Variants in TRMT9B observed in about 807,000 individuals in gnomAD.
The protein encoded by TRMT9B is probable tRNA methyltransferase 9B.
TRMT9B carries 16 observed loss-of-function variants against 11.5 expected under a neutral mutation model. The observed-to-expected ratio is 1.39, with a 90% CI of 0.94 to 2.11. The LOEUF is 2.11. Ranked by LOEUF, TRMT9B falls within the 30% of genes most tolerant of loss-of-function variation. TRMT9B has a pLI of 0.00. For synonymous variants in TRMT9B, 274 were observed against 192.4 expected, an observed-to-expected ratio of 1.42 and a Z score of -3.51; for missense variants, 941 against 553.8, an observed-to-expected ratio of 1.70 and a Z score of -7.02.
chr8:12,973,201 G>A (rs1370558815), intron 1 of TRMT9B, among the ~76,000 whole-genome samples: 2 of 152,206 alleles, frequency 1.3e-5, no homozygotes, highest in Non-Finnish European at 2.9e-5. Context: ...ATGAAATCTG[G>A]TTTTGTGACC....
At chr8:12,993,837 G>A (rs188478211) in intron 2 of TRMT9B, among the ~76,000 whole-genome samples, 18 of 152,336 alleles carry the variant, frequency 1.2e-4, no homozygotes, top group African/African-American at 4.1e-4. Context: ...TTAGTCCTTT[G>A]GCTATACATG....
intron 1 of TRMT9B, among the ~76,000 whole-genome samples, chr8:12,974,934 G>C (rs1340031564): frequency 1.4e-5 from 2 of 144,464 alleles, no homozygotes; most frequent in Non-Finnish European, 3.0e-5. Context: ...AGAGGCAGCA[G>C]CATTATTTGT....
At chr8:12,988,459 C>A (rs1039087786) in intron 1 of TRMT9B, among the ~76,000 whole-genome samples, 1 of 152,156 alleles carries the variant, frequency 6.6e-6, no homozygotes, top group Admixed American at 6.5e-5. Context: ...ATACCCGAGA[C>A]TGTGTAATTT....
rs1448942457 is a variant in TRMT9B, at chr8:13,023,170, G to A, written c.*1126G>A. ...TATCAATCATGCTTATTAGAAGGAT[G>A]AATATCCAAGACCAAGATTGACTAA... On this transcript the variant is annotated 3_prime_UTR_variant, in exon 5 of 5. Coordinates refer to ENST00000524591, the MANE Select transcript of TRMT9B (RefSeq NM_020844.3). 1.8e-5 allele frequency: 3 copies of A among 167,168 alleles called. No individual in the cohort carries two copies. Among genetic ancestry groups the A allele is most frequent in the Admixed American group, 6.5e-5 (1 of 15,298 alleles). 10.4% of individuals were successfully genotyped at this position (167,168 alleles called of 1,614,324 possible). A position where few individuals can be genotyped will look rare whatever the true frequency, so the allele number is the denominator to read the frequency against.
chr8:13,027,869 C>G lies in TRMT9B; in HGVS notation c.*5825C>G, dbSNP rs1354360804. 2 of 167,044 alleles carry G rather than the reference C, an allele frequency of 1.2e-5. No individual in the cohort carries two copies. The highest frequency in any genetic ancestry group is 1.9e-4 in the East Asian group (1 of 5,198). The allele number at this position is 167,044 out of a possible 1,614,324, so 10.3% of individuals were successfully genotyped here. A position where few individuals can be genotyped will look rare whatever the true frequency, so the allele number is the denominator to read the frequency against. On this transcript the variant is annotated 3_prime_UTR_variant, in exon 5 of 5. Transcript: ENST00000524591. ...TTAACTCCTCTTGTTCCAATCTTAA[C>G]TCAAAATTATGATTATTTTGATTAT...
intron 1 of TRMT9B, chr8:12,951,551 T>G (rs1212435877): frequency 6.6e-6 from 1 of 152,078 alleles, no homozygotes; most frequent in Non-Finnish European, 1.5e-5. Context: ...CCCGGGCACG[T>G]TCGGGCGGGG....
At position 12,971,938 on chromosome 8, in the gene TRMT9B, A is replaced by G. The variant is rs143725851; in HGVS notation, c.-199-18896A>G. ...ACCAAAAAAAACCCTAATTTCATGG[A>G]ATTTATAAACTCACTGGGAGAGACA... is the stretch of plus-strand genomic sequence containing the variant. On this transcript the variant is annotated intron_variant, in intron 1 of 4. Coordinates refer to ENST00000524591, the MANE Select transcript of TRMT9B (RefSeq NM_020844.3). 5.0e-3 allele frequency among the ~76,000 whole-genome samples: 759 copies of G among 152,296 alleles called. 5 individuals carry two copies. The highest frequency in any genetic ancestry group is 0.017 in the African/African-American group (709 of 41,552).
chr8:13,014,377 C>G (rs1585382047), intron 4 of TRMT9B, among the ~76,000 whole-genome samples: 1 of 152,284 alleles, frequency 6.6e-6, no homozygotes, highest in Non-Finnish European at 1.5e-5. Flanking sequence ...AGGGTGCCAG[C>G]AGGGTAAGGT....
At position 13,013,559 on chromosome 8, in the gene TRMT9B, T is replaced by C. The variant is rs775779617; in HGVS notation, c.328+702T>C. On this transcript the variant is annotated intron_variant, in intron 4 of 4. Transcript: ENST00000524591. ...TATTTAAATATGCAGGGAAACTTGA[T>C]ATTTAATGGAATCCTATGACAAGGT... 2.0e-4 allele frequency among the ~76,000 whole-genome samples: 30 copies of C among 151,936 alleles called. 1 individual carries two copies. The highest frequency in any genetic ancestry group is 9.8e-4 in the Admixed American group (15 of 15,260).
At chr8:13,006,107 G>A (rs1367090664) in intron 2 of TRMT9B, 95 bp from the exon 3 acceptor site, 5 of 1,208,212 alleles carry the variant, frequency 4.1e-6, no homozygotes, top group African/African-American at 3.0e-5. Context: ...GTTTGCAGTT[G>A]TAGGCTCCAG....
chr8:12,988,638 T>C (rs1806758235), intron 1 of TRMT9B, among the ~76,000 whole-genome samples: 1 of 152,028 alleles, frequency 6.6e-6, no homozygotes, highest in East Asian at 1.9e-4. Context: ...CCATCAGATC[T>C]CTTGAGAACT....
rs34715221 is a variant in TRMT9B at position 13,017,614 on chromosome 8, C to CTTTTT, written c.329-3381_329-3377dup. 2.0e-4 allele frequency among the ~76,000 whole-genome samples: 23 copies of CTTTTT among 117,526 alleles called. 1 individual carries two copies. The highest frequency in any genetic ancestry group is 2.6e-4 in the African/African-American group (8 of 30,264). The allele number at this position is 117,526 out of a possible 152,430, so 77.1% of individuals were successfully genotyped here. ...ATGTAATGAAGTAATCATTTGTAGG[C>CTTTTT]TTTTTTTTTTTTTTTTTGAGACAGT... On this transcript the variant is annotated intron_variant, in intron 4 of 4. Coordinates refer to ENST00000524591, the MANE Select transcript of TRMT9B (RefSeq NM_020844.3).
In TRMT9B at chr8:13,022,135, T is replaced by C; in HGVS notation, c.*91T>C. The C allele has an allele frequency of 1.1e-6, 1 of 936,448 alleles. No individual in the cohort carries two copies. The highest frequency in any genetic ancestry group is 1.6e-6 in the Non-Finnish European group (1 of 629,460). 58.0% of individuals were successfully genotyped at this position (936,448 alleles called of 1,614,324 possible). On this transcript the variant is annotated 3_prime_UTR_variant, in exon 5 of 5. Transcript: ENST00000524591. ...TACCTGAATTTGCATTCAGTGTTAT[T>C]TGTTAATCCATTTACGCTTTGGTCT... is the stretch of plus-strand genomic sequence containing the variant.
At chr8:12,949,064 G>A (rs1340346351) in intron 1 of TRMT9B, among the ~76,000 whole-genome samples, 1 of 152,162 alleles carries the variant, frequency 6.6e-6, no homozygotes, top group African/African-American at 2.4e-5. Context: ...CTTCCTCAGA[G>A]AAAACGTATT....
At chr8:12,975,947 G>A (rs756061497) in intron 1 of TRMT9B, among the ~76,000 whole-genome samples, 5 of 152,038 alleles carry the variant, frequency 3.3e-5, no homozygotes, top group Non-Finnish European at 5.9e-5. Context: ...AAATGAATAC[G>A]ATAATATTTT....
chr8:12,966,327 G>C (rs140439689), intron 1 of TRMT9B, among the ~76,000 whole-genome samples: 195 of 152,260 alleles, frequency 1.3e-3, no homozygotes, highest in African/African-American at 4.6e-3. Flanking sequence ...ACAACCATGT[G>C]CCATTTAGTG....
chr8:13,013,398 G>A (rs1812021516), intron 4 of TRMT9B, among the ~76,000 whole-genome samples: 1 of 152,144 alleles, frequency 6.6e-6, no homozygotes, highest in South Asian at 2.1e-4. Flanking sequence ...TGCTGCCAGA[G>A]ATCGTTCATG....
intron 2 of TRMT9B, among the ~76,000 whole-genome samples, chr8:12,996,935 TCTTTATTTTATTTTATTTTA>T (rs1808450398): frequency 6.7e-6 from 1 of 148,594 alleles, no homozygotes; most frequent in Non-Finnish European, 1.5e-5. Context: ...TTTTGTACCT[TCTTTATTTTATTTTATTTTA>T]TTTTATTTTA....
intron 1 of TRMT9B, among the ~76,000 whole-genome samples, chr8:12,973,081 C>A (rs1241752959): frequency 6.6e-6 from 1 of 152,166 alleles, no homozygotes; most frequent in Non-Finnish European, 1.5e-5. Flanking sequence ...TGGAGTCATG[C>A]AGTGTTTGTC....
Sources: gnomAD v4.1 joint callset for allele counts (sites outside exome capture counted in the v4.1 genomes callset) on GRCh38, gnomAD v4.1.1 for gene constraint, MANE v1.5 for transcripts, NCBI Gene and HGNC (gene_info 2026-07-23, HGNC 2026-07-21) for gene names.